ANKFN1: variants seen among roughly 807,000 people sequenced by gnomAD.
The protein encoded by ANKFN1 is ankyrin repeat and fibronectin type-III domain-containing protein 1.
Under a neutral mutation model 108.7 loss-of-function variants are expected in ANKFN1, and 74 were observed. The observed-to-expected ratio is 0.68, with a 90% CI of 0.56 to 0.83. ANKFN1 has a LOEUF of 0.83. Ranked by LOEUF, ANKFN1 falls within the 40% of genes least tolerant of loss-of-function variation. The pLI is 0.00. For missense variants in ANKFN1, 1,505 were observed against 1,382.3 expected (o/e 1.09, Z -1.41); for synonymous variants, 547 against 516.2 (o/e 1.06, Z -0.81).
intron 4 of ANKFN1, among the ~76,000 whole-genome samples, chr17:56,347,312 A>G (rs567105187): frequency 6.6e-6 from 1 of 152,066 alleles, no homozygotes; most frequent in Non-Finnish European, 1.5e-5. Context: ...AATTTCTACT[A>G]TTTATTGAGT....
chr17:56,449,214 T>C, intron 11 of ANKFN1, 28 bp downstream of exon 11: 1 of 1,578,708 alleles, frequency 6.3e-7, no homozygotes, highest in Non-Finnish European at 8.7e-7. Context: ...TGCTGGGCCA[T>C]CAACTGAGGT....
At chr17:56,153,637 T>C in intron 1 of ANKFN1, 107 bp downstream of exon 1, 1 of 1,447,160 alleles carries the variant, frequency 6.9e-7, no homozygotes, top group East Asian at 2.3e-5. Flanking sequence ...AATTCGGGCG[T>C]TAGCTGGTGA....
chr17:56,372,859 T>A lies in ANKFN1; in HGVS notation c.796+19T>A, dbSNP rs75135617. The A allele has an allele frequency of 3.7e-6, 6 of 1,601,318 alleles. No homozygotes were observed. Among genetic ancestry groups the A allele is most frequent in the Non-Finnish European group, 5.1e-6 (6 of 1,175,744 alleles). On this transcript the variant is annotated intron_variant, in intron 7 of 20. Coordinates refer to ENST00000682825, the MANE Select transcript of ANKFN1 (RefSeq NM_001370326.1). ...CATGCCAGTGAGTATAAGCAGAAAA[T>A]GTCTACATTTCACTAGACTGAGCCT...
chr17:56,082,649 G>A (rs1037491501), intron 4 of ANKFN1, among the ~76,000 whole-genome samples: 2 of 152,134 alleles, frequency 1.3e-5, no homozygotes, highest in African/African-American at 2.4e-5. Flanking sequence ...CATTCTCTGT[G>A]CATTCATTCA....
intron 1 of ANKFN1, among the ~76,000 whole-genome samples, chr17:56,205,787 T>C (rs1027778068): frequency 1.3e-5 from 2 of 152,208 alleles, no homozygotes; most frequent in Non-Finnish European, 2.9e-5. Flanking sequence ...GTTAGCAATA[T>C]TAGGCCGCTT....
Position 56,510,626 on chromosome 17 carries a change from G to A in ANKFN1, c.2798G>A (p.Ser933Asn). The A allele has an allele frequency of 6.5e-7, 1 of 1,536,168 alleles. No homozygotes were observed. The highest frequency in any genetic ancestry group is 2.4e-5 in the East Asian group (1 of 40,908). ...DIAQQTLSGL[S>N]GSAPDVLQVH... ...GCGCAGCAGACCCTTAGCGGCCTAA[G>A]CGGCAGCGCCCCCGACGTCCTGCAA... Residue 933 changes from serine to asparagine, a missense_variant, in exon 21 of 21, where the codon AGC (serine) becomes AAC (asparagine). Coordinates refer to ENST00000682825, the MANE Select transcript of ANKFN1 (RefSeq NM_001370326.1).
At chr17:56,487,951 G>A (rs2050906863) in intron 18 of ANKFN1, among the ~76,000 whole-genome samples, 1 of 152,208 alleles carries the variant, frequency 6.6e-6, no homozygotes, top group Admixed American at 6.5e-5. Context: ...TGTGATGGAT[G>A]CTTAAGGCAT....
intron 8 of ANKFN1, among the ~76,000 whole-genome samples, chr17:56,410,799 T>G (rs370008889): frequency 5.3e-4 from 80 of 152,154 alleles, no homozygotes; most frequent in African/African-American, 1.8e-3. Context: ...GACTATATTA[T>G]TCCTAGCATC....
chr17:56,313,086 G>A (rs1400250582), intron 3 of ANKFN1, among the ~76,000 whole-genome samples: 2 of 151,490 alleles, frequency 1.3e-5, no homozygotes, highest in Non-Finnish European at 2.9e-5. Context: ...GCGGGGAGGC[G>A]AGGTTGCAAT....
chr17:56,497,348 T>C (rs538551043), intron 19 of ANKFN1, among the ~76,000 whole-genome samples: 1 of 152,292 alleles, frequency 6.6e-6, no homozygotes, highest in African/African-American at 2.4e-5. Flanking sequence ...AATCTCATGC[T>C]TTCATCACTG....
intron 15 of ANKFN1, among the ~76,000 whole-genome samples, chr17:56,467,490 G>A (rs1485876831): frequency 6.6e-6 from 1 of 151,866 alleles, no homozygotes; most frequent in Non-Finnish European, 1.5e-5. Flanking sequence ...GACCAACCTG[G>A]CCAACATGGT....
In ANKFN1 at chr17:56,214,397, AAG is replaced by A. The variant is rs779765785; in HGVS notation, c.12+1721_12+1722del. 2.4e-4 allele frequency among the ~76,000 whole-genome samples: 37 copies of A among 152,332 alleles called. No individual in the cohort carries two copies. The East Asian group carries it at 4.2e-3, about 17-fold the overall frequency. ...TGCCTTTCTAAGCCAAAATTTGTCAAAGAGTAGGAAAAGCAAGTTTTGAAAAT... is the reference window on the plus strand; with the variant it reads ...TGCCTTTCTAAGCCAAAATTTGTCAAAGTAGGAAAAGCAAGTTTTGAAAAT... On this transcript the variant is annotated intron_variant, in intron 2 of 20. Coordinates refer to ENST00000682825, the MANE Select transcript of ANKFN1 (RefSeq NM_001370326.1).
chr17:56,360,187 C>A (rs2046479043), intron 6 of ANKFN1, among the ~76,000 whole-genome samples: 1 of 152,122 alleles, frequency 6.6e-6, no homozygotes, highest in Non-Finnish European at 1.5e-5. Context: ...CCCTAACTTA[C>A]AAATCTGTTC....
intron 3 of ANKFN1, among the ~76,000 whole-genome samples, chr17:56,248,043 C>T (rs538281122): frequency 3.3e-5 from 5 of 152,290 alleles, no homozygotes; most frequent in South Asian, 4.1e-4. Context: ...TTTACTTAGT[C>T]GTCAGCAACC....
chr17:56,421,429 T>A (rs1598578679), intron 8 of ANKFN1, among the ~76,000 whole-genome samples: 1 of 152,202 alleles, frequency 6.6e-6, no homozygotes, highest in African/African-American at 2.4e-5. Flanking sequence ...CTTCCTCCTC[T>A]CATTCATCTG....
At chr17:56,508,921 G>A (rs1423576275) in intron 20 of ANKFN1, among the ~76,000 whole-genome samples, 2 of 152,158 alleles carry the variant, frequency 1.3e-5, no homozygotes, top group African/African-American at 2.4e-5. Context: ...AATCTTCATT[G>A]TGAATGAATG....
chr17:56,512,830 C>T lies in ANKFN1; in HGVS notation c.*1561C>T, dbSNP rs879747764. On this transcript the variant is annotated 3_prime_UTR_variant, in exon 21 of 21. Coordinates refer to ENST00000682825, the MANE Select transcript of ANKFN1 (RefSeq NM_001370326.1). ...CTGCTGCAAAGGTACAGATTTGGCCCATGGCCTATGGTCATTAGAAAACTA... is the reference window on the plus strand; with the variant it reads ...CTGCTGCAAAGGTACAGATTTGGCCTATGGCCTATGGTCATTAGAAAACTA... Among the ~76,000 whole-genome samples the T allele has an allele frequency of 6.6e-6, 1 of 152,206 alleles. No individual in the cohort carries two copies. Among genetic ancestry groups the T allele is most frequent in the South Asian group, 2.1e-4 (1 of 4,834 alleles).
Position 56,511,405 on chromosome 17 carries a change from C to A in ANKFN1, c.*136C>A. On this transcript the variant is annotated 3_prime_UTR_variant, in exon 21 of 21. Coordinates refer to ENST00000682825, the MANE Select transcript of ANKFN1 (RefSeq NM_001370326.1). Reference sequence around the variant, plus strand: ...GTTATAAATACAAAGGTTACAAGTTCAAGGTCCTCTTTTTTTGGAACAGAG... The same window carrying A: ...GTTATAAATACAAAGGTTACAAGTTAAAGGTCCTCTTTTTTTGGAACAGAG... 2.9e-6 allele frequency: 3 copies of A among 1,025,296 alleles called. No homozygotes were observed. Among genetic ancestry groups the A allele is most frequent in the South Asian group, 3.5e-5 (2 of 56,960 alleles). 63.5% of individuals were successfully genotyped at this position (1,025,296 alleles called of 1,614,324 possible). A position where few individuals can be genotyped will look rare whatever the true frequency, so the allele number is the denominator to read the frequency against.
intron 11 of ANKFN1, among the ~76,000 whole-genome samples, chr17:56,449,718 A>G (rs1298506429): frequency 6.6e-6 from 1 of 152,202 alleles, no homozygotes; most frequent in Non-Finnish European, 1.5e-5. Flanking sequence ...TCACAATGCC[A>G]GGAAAAGACA....
Sources: gnomAD v4.1 joint callset for allele counts (sites outside exome capture counted in the v4.1 genomes callset) on GRCh38, gnomAD v4.1.1 for gene constraint, MANE v1.5 for transcripts, NCBI Gene and HGNC (gene_info 2026-07-23, HGNC 2026-07-21) for gene names.